SLC12A9: variants seen among roughly 807,000 people sequenced by gnomAD.
SLC12A9 encodes the protein solute carrier family 12 member 9, also known as CCC-interacting protein 1.
In SLC12A9, 55 loss-of-function variants were observed where a neutral mutation model predicts 66.0. The observed-to-expected ratio is 0.83, with a 90% CI of 0.67 to 1.04. SLC12A9 has a LOEUF of 1.04. Among genes scored for constraint, SLC12A9 ranks in the 50% least tolerant of loss-of-function variants. The probability of loss-of-function intolerance (pLI) is 0.00; values close to 1 mark genes in which losing one functional copy is unlikely to be tolerated. For synonymous variants in SLC12A9, 577 were observed against 569.0 expected (o/e 1.01, Z -0.20); for missense variants, 1,061 against 1,241.9 (o/e 0.85, Z 2.19).
chr7:100,827,046 G>T, exon 1 of SLC12A9: 1 of 1,575,182 alleles, frequency 6.3e-7, no homozygotes, highest in Non-Finnish European at 8.6e-7. Context: ...CGCCTCACTC[G>T]GGTAGGATCC....
At chr7:100,828,180 T>C (rs903720587) in intron 1 of SLC12A9, among the ~76,000 whole-genome samples, 1 of 152,148 alleles carries the variant, frequency 6.6e-6, no homozygotes, top group African/African-American at 2.4e-5. Flanking sequence ...CTGAAAAATG[T>C]CCAGAGGAGG....
At chr7:100,843,498 CAGAA>C (rs1813831075) in intron 1 of SLC12A9, among the ~76,000 whole-genome samples, 1 of 152,188 alleles carries the variant, frequency 6.6e-6, no homozygotes, top group East Asian at 1.9e-4. Flanking sequence ...CCCTACGTGT[CAGAA>C]AGAGAAAAAA....
At chr7:100,856,025 G>GGCAA in intron 4 of SLC12A9, 188 bp downstream of exon 4, 9 of 826,440 alleles carry the variant, frequency 1.1e-5, no homozygotes, top group Non-Finnish European at 1.2e-5. Context: ...CTTGCCTGCA[G>GGCAA]GGAGCTAACC....
At chr7:100,828,768 A>G (rs1418651401) in intron 1 of SLC12A9, among the ~76,000 whole-genome samples, 2 of 151,700 alleles carry the variant, frequency 1.3e-5, no homozygotes, top group East Asian at 3.9e-4. Context: ...GATGGCTGGG[A>G]GGGGCCCTTC....
At chr7:100,835,479 G>A (rs747384034) in intron 1 of SLC12A9, among the ~76,000 whole-genome samples, 7 of 151,040 alleles carry the variant, frequency 4.6e-5, no homozygotes, top group South Asian at 2.1e-4. Context: ...GTGAAACCCC[G>A]TCTCTACTAA....
intron 1 of SLC12A9, among the ~76,000 whole-genome samples, chr7:100,843,282 T>C (rs553473413): frequency 1.6e-4 from 25 of 152,336 alleles, no homozygotes; most frequent in Admixed American, 1.4e-3. Context: ...TTAGACGCAA[T>C]TGGAGTCCCA....
At position 100,861,590 on chromosome 7, in the gene SLC12A9, G is replaced by C; in HGVS notation, c.1536+6G>C. 1.2e-6 allele frequency: 2 copies of C among 1,611,766 alleles called. No individual in the cohort carries two copies. Among genetic ancestry groups the C allele is most frequent in the Non-Finnish European group, 1.7e-6 (2 of 1,178,630 alleles). On this transcript the variant is annotated splice_donor_region_variant and intron_variant, in intron 11 of 13. Coordinates refer to ENST00000354161, the MANE Select transcript of SLC12A9 (RefSeq NM_020246.4). This position sits in a 1 kb window ranked among gnomAD's most constrained non-coding sequence, Gnocchi z 5.3. ...AGGCCTTGCTTTTCCACCAGGTATG[G>C]GGAGCTGGTGGGGCGGTGGGGAAAT...
At chr7:100,860,577 C>T (rs1814687243) in intron 9 of SLC12A9, 1 of 374,314 alleles carries the variant, frequency 2.7e-6, no homozygotes, top group South Asian at 2.4e-5. Flanking sequence ...GATTCACTGG[C>T]ACTCTGTGGG....
chr7:100,862,726 T>C lies in SLC12A9; in HGVS notation c.1757T>C (p.Leu586Pro). ...DPVQPQYGAW[L>P]SLVDRAQVKA... ...GTACAGCCGCAGTATGGGGCATGGC[T>C]CAGCCTGGTGGACCGTGCCCAGGTG... is the stretch of plus-strand genomic sequence containing the variant. Residue 586 changes from leucine to proline, a missense_variant, in exon 13 of 14, where the codon CTC becomes CCC. Physicochemically the swap from Leu to Pro is moderately conservative, Grantham distance 98. Coordinates refer to ENST00000354161, the MANE Select transcript of SLC12A9 (RefSeq NM_020246.4). 6.2e-7 allele frequency: 1 copy of C among 1,614,214 alleles called. No homozygotes were observed. The highest frequency in any genetic ancestry group is 8.5e-7 in the Non-Finnish European group (1 of 1,180,034).
intron 1 of SLC12A9, among the ~76,000 whole-genome samples, chr7:100,836,478 A>AC (rs983066851): frequency 1.1e-4 from 17 of 150,798 alleles, no homozygotes; most frequent in Non-Finnish European, 2.1e-4. Flanking sequence ...CAGAAAACCC[A>AC]CCCCCCGCTC....
chr7:100,861,701 C>A lies in SLC12A9; in HGVS notation c.1537-36C>A, dbSNP rs779967950. 6.2e-7 allele frequency: 1 copy of A among 1,613,458 alleles called. No individual in the cohort carries two copies. Among genetic ancestry groups the A allele is most frequent in the Non-Finnish European group, 8.5e-7 (1 of 1,179,538 alleles). ...CGCTGAACGGGGCTGTGCATTTGAT[C>A]CTGCCACTTCCCCACTGCCTCACCC... On this transcript the variant is annotated intron_variant, in intron 11 of 13. Transcript: ENST00000354161. This position sits in a 1 kb window ranked among gnomAD's most constrained non-coding sequence, Gnocchi z 5.3.
chr7:100,854,599 G>A (rs1814271329), intron 2 of SLC12A9, 21 bp from the exon 3 acceptor site: 1 of 1,613,818 alleles, frequency 6.2e-7, no homozygotes, highest in Non-Finnish European at 8.5e-7. Context: ...CCTGTGACCT[G>A]ATTTGCTGCT....
At chr7:100,833,770 T>C (rs1325750413) in intron 1 of SLC12A9, among the ~76,000 whole-genome samples, 1 of 151,006 alleles carries the variant, frequency 6.6e-6, no homozygotes, top group Non-Finnish European at 1.5e-5. Flanking sequence ...CCATCTCTAC[T>C]AAAAATACAA....
chr7:100,830,949 C>T lies in SLC12A9; in HGVS notation n.228+3902C>T, dbSNP rs533523418. Among the ~76,000 whole-genome samples, 21 of 152,170 alleles carry T rather than the reference C, an allele frequency of 1.4e-4. 1 individual carries two copies. The South Asian group carries it at 4.0e-3, about 29-fold the overall frequency. On this transcript the variant is annotated intron_variant and non_coding_transcript_variant, in intron 1 of 1. Transcript: ENST00000461016. ...ATTCAGTAGCCACTAAATTACAGAA[C>T]GTGGGTGAACATTCACGTTACTACC...
intron 1 of SLC12A9, among the ~76,000 whole-genome samples, chr7:100,839,872 C>G (rs1813747152): frequency 6.6e-6 from 1 of 151,712 alleles, no homozygotes; most frequent in East Asian, 1.9e-4. Flanking sequence ...GAAACCCCTT[C>G]TCTACTAAAA....
At chr7:100,833,748 C>T (rs1232815774) in intron 1 of SLC12A9, among the ~76,000 whole-genome samples, 1 of 151,852 alleles carries the variant, frequency 6.6e-6, no homozygotes, top group African/African-American at 2.4e-5. Context: ...TCCTGGCTAA[C>T]ATGGTGAAAC....
chr7:100,850,304 G>A (rs1814036724), upstream of SLC12A9, among the ~76,000 whole-genome samples: 1 of 142,806 alleles, frequency 7.0e-6, no homozygotes, highest in East Asian at 2.0e-4. Flanking sequence ...CTATCACCCA[G>A]ATGGGTGTGC....
intron 12 of SLC12A9, among the ~76,000 whole-genome samples, chr7:100,862,170 T>TA (rs1814798957): frequency 6.6e-6 from 1 of 152,050 alleles, no homozygotes. Context: ...TTGGCCAAGC[T>TA]AGTCTCGAAC....
chr7:100,826,947 C>A, exon 1 of SLC12A9: 1 of 1,515,696 alleles, frequency 6.6e-7, no homozygotes, highest in South Asian at 1.2e-5. Flanking sequence ...CCAGGAGTGA[C>A]GGGGTGCGCC....
Sources: allele counts gnomAD v4.1 joint callset (sites outside exome capture counted in the v4.1 genomes callset), GRCh38; gene constraint gnomAD v4.1.1; non-coding constraint Gnocchi (gnomAD v3.1); transcripts MANE v1.5; gene names NCBI Gene and HGNC (gene_info 2026-07-23, HGNC 2026-07-21).